The following EXOC6B variants were observed in gnomAD, a reference collection of about 807,000 sequenced individuals.
EXOC6B encodes the protein exocyst complex component 6B, also known as SEC15 homolog B.
A neutral mutation model predicts 113.5 loss-of-function variants in EXOC6B; 54 were observed. The observed-to-expected ratio is 0.48, with a 90% confidence interval of 0.38 to 0.60. EXOC6B has a LOEUF of 0.60. Ranked by LOEUF, EXOC6B falls within the 20% of genes least tolerant of loss-of-function variation. The pLI is 0.00. For missense variants in EXOC6B, 797 were observed against 977.5 expected (o/e 0.82, Z 2.46); for synonymous variants, 357 against 339.0 (o/e 1.05, Z -0.58).
intron 20 of EXOC6B, among the ~76,000 whole-genome samples, chr2:72,268,576 G>A (rs543986988): frequency 1.4e-4 from 21 of 152,202 alleles, no homozygotes; most frequent in African/African-American, 3.9e-4. Context: ...AATTGATATC[G>A]TTTGGATGTG....
At chr2:72,512,241 T>G (rs549611572) in intron 11 of EXOC6B, among the ~76,000 whole-genome samples, 5 of 152,056 alleles carry the variant, frequency 3.3e-5, no homozygotes, top group African/African-American at 1.2e-4. Context: ...TATAACTCTC[T>G]GAGAGCAAAG....
chr2:72,497,916 T>C (rs930348991), intron 13 of EXOC6B, among the ~76,000 whole-genome samples: 10 of 152,218 alleles, frequency 6.6e-5, no homozygotes, highest in Admixed American at 6.5e-4. Context: ...CTTATTATTG[T>C]ATGCATGTTG....
In EXOC6B at chr2:72,445,803, A is replaced by G. The variant is rs990968624; in HGVS notation, c.1980+19357T>C. On this transcript the variant is annotated intron_variant, in intron 18 of 21. Transcript: ENST00000272427. ...ATTTGGGTGGGGACACAGCCAAACC[A>G]TATCACAACCCCATTAAGAAGTGAG... 2.6e-5 allele frequency among the ~76,000 whole-genome samples: 4 copies of G among 152,172 alleles called. No individual in the cohort carries two copies. The East Asian group carries it at 7.7e-4, about 29-fold the overall frequency.
chr2:72,786,880 A>G (rs1403809171), intron 1 of EXOC6B, among the ~76,000 whole-genome samples: 1 of 152,198 alleles, frequency 6.6e-6, no homozygotes, highest in Non-Finnish European at 1.5e-5. Context: ...GTGTTGTCCA[A>G]GTGAAAAACA....
At chr2:72,486,141 G>A (rs574128240) in intron 16 of EXOC6B, among the ~76,000 whole-genome samples, 88 of 152,118 alleles carry the variant, frequency 5.8e-4, no homozygotes, top group Admixed American at 1.3e-3. Flanking sequence ...AGGCTGAGGC[G>A]GGTGGATCAC....
At chr2:72,321,340 G>A (rs2104829096) in intron 20 of EXOC6B, among the ~76,000 whole-genome samples, 1 of 152,218 alleles carries the variant, frequency 6.6e-6, no homozygotes, top group African/African-American at 2.4e-5. Context: ...TTCAAGACCA[G>A]CCTGGTCAAC....
At chr2:72,416,531 T>A (rs144258337) in intron 18 of EXOC6B, among the ~76,000 whole-genome samples, 4 of 152,208 alleles carry the variant, frequency 2.6e-5, no homozygotes, top group Non-Finnish European at 4.4e-5. Flanking sequence ...CACTTAACTA[T>A]GTAAATTCTG....
chr2:72,265,153 G>A (rs559309235), intron 20 of EXOC6B, among the ~76,000 whole-genome samples: 19 of 152,094 alleles, frequency 1.2e-4, no homozygotes, highest in African/African-American at 4.6e-4. Flanking sequence ...TTAGTGATAT[G>A]GACAATGAAG....
chr2:72,194,905 C>G lies in EXOC6B; in HGVS notation c.2197-10718G>C, dbSNP rs1271769378. Among the ~76,000 whole-genome samples, 2 of 152,020 alleles carry G rather than the reference C, an allele frequency of 1.3e-5. 1 individual carries two copies. The highest frequency in any genetic ancestry group is 3.9e-4 in the East Asian group (2 of 5,162). On this transcript the variant is annotated intron_variant, in intron 20 of 21. Transcript: ENST00000272427. ...TACGTCTGAACTCCTCTTCTTTTCC[C>G]TAGTTGAGTGAAGGCAGAAGAAGAG...
intron 18 of EXOC6B, among the ~76,000 whole-genome samples, chr2:72,421,170 T>C (rs1026495864): frequency 5.4e-4 from 83 of 152,380 alleles, no homozygotes; most frequent in African/African-American, 1.9e-3. Flanking sequence ...GCAAAAACTT[T>C]CTCCCATTCT....
intron 17 of EXOC6B, among the ~76,000 whole-genome samples, chr2:72,469,891 T>C (rs1698290015): frequency 6.6e-6 from 1 of 152,126 alleles, no homozygotes; most frequent in Non-Finnish European, 1.5e-5. Context: ...AAATAAGATT[T>C]TAGTATCTTT....
chr2:72,615,521 A>C (rs187102626), intron 6 of EXOC6B, among the ~76,000 whole-genome samples: 7 of 152,096 alleles, frequency 4.6e-5, no homozygotes, highest in African/African-American at 1.7e-4. Flanking sequence ...GGTCAAAAAA[A>C]GAAAGTAACA....
chr2:72,408,616 A>T (rs1317695608), intron 18 of EXOC6B, among the ~76,000 whole-genome samples: 2 of 152,200 alleles, frequency 1.3e-5, no homozygotes, highest in African/African-American at 4.8e-5. Flanking sequence ...GAAATGGGGG[A>T]ACGACTCCCT....
chr2:72,688,520 G>A (rs1410190655), intron 6 of EXOC6B, among the ~76,000 whole-genome samples: 1 of 151,940 alleles, frequency 6.6e-6, no homozygotes, highest in African/African-American at 2.4e-5. Context: ...GTTATGAGCT[G>A]AGGACTACTG....
chr2:72,434,975 C>G (rs1695764356), intron 18 of EXOC6B, among the ~76,000 whole-genome samples: 1 of 152,104 alleles, frequency 6.6e-6, no homozygotes, highest in East Asian at 1.9e-4. Context: ...TCTTACTTCT[C>G]TAGTTCTTTT....
chr2:72,458,344 T>C (rs763895917), intron 18 of EXOC6B, among the ~76,000 whole-genome samples: 4 of 152,164 alleles, frequency 2.6e-5, no homozygotes, highest in Non-Finnish European at 5.9e-5. Flanking sequence ...GGAAATTATG[T>C]AGCATTCTAG....
chr2:72,249,292 C>T (rs529730968), intron 20 of EXOC6B, among the ~76,000 whole-genome samples: 1 of 152,248 alleles, frequency 6.6e-6, no homozygotes, highest in African/African-American at 2.4e-5. Flanking sequence ...CGGAGTCTCA[C>T]TCAGTCGCCC....
chr2:72,571,456 T>G (rs1010114058), intron 7 of EXOC6B, among the ~76,000 whole-genome samples: 10 of 152,274 alleles, frequency 6.6e-5, no homozygotes, highest in Admixed American at 3.3e-4. Flanking sequence ...CAGCTTCATA[T>G]AGTCCAACCT....
chr2:72,250,559 G>T (rs2104543308), intron 20 of EXOC6B, among the ~76,000 whole-genome samples: 1 of 151,878 alleles, frequency 6.6e-6, no homozygotes, highest in East Asian at 1.9e-4. Flanking sequence ...GCCCAGGCTG[G>T]TCTTGAACTC....
Sources: gnomAD v4.1 joint callset for allele counts (sites outside exome capture counted in the v4.1 genomes callset) on GRCh38, gnomAD v4.1.1 for gene constraint, MANE v1.5 for transcripts, NCBI Gene and HGNC (gene_info 2026-07-23, HGNC 2026-07-21) for gene names.